Variants in AKAP7 observed in about 807,000 individuals in gnomAD.
The protein encoded by AKAP7 is A kinase (PRKA) anchor protein 7.
Under a neutral mutation model 39.5 loss-of-function variants are expected in AKAP7, and 39 were observed. The observed-to-expected ratio is 0.99, with a 90% CI of 0.76 to 1.29. AKAP7 has a LOEUF of 1.29. Among genes scored for constraint, AKAP7 ranks in the 50% most tolerant of loss-of-function variants. AKAP7 has a pLI of 0.00. For synonymous variants in AKAP7, 140 were observed against 139.1 expected (o/e 1.01, Z -0.05); for missense variants, 414 against 407.7 (o/e 1.02, Z -0.13).
At chr6:131,159,261 T>G (rs1316201412) in intron 2 of AKAP7, among the ~76,000 whole-genome samples, 1 of 152,012 alleles carries the variant, frequency 6.6e-6, no homozygotes, top group Non-Finnish European at 1.5e-5. Flanking sequence ...ACCCAGCTAA[T>G]TTTTTATATT....
chr6:131,243,967 G>C (rs1018829395), intron 7 of AKAP7, among the ~76,000 whole-genome samples: 1 of 150,708 alleles, frequency 6.6e-6, no homozygotes, highest in Non-Finnish European at 1.5e-5. Flanking sequence ...TACAAATACT[G>C]GTCAGTAGAT....
chr6:131,223,584 G>T (rs1809891882), intron 7 of AKAP7, among the ~76,000 whole-genome samples: 1 of 152,090 alleles, frequency 6.6e-6, no homozygotes, highest in Non-Finnish European at 1.5e-5. Context: ...TCCAAGTTTT[G>T]ATGAGGACCA....
chr6:131,181,398 C>T (rs1346419598), intron 5 of AKAP7, among the ~76,000 whole-genome samples: 10 of 152,172 alleles, frequency 6.6e-5, no homozygotes, highest in African/African-American at 1.9e-4. Flanking sequence ...CACTCCCATT[C>T]GTTCCCTACT....
intron 5 of AKAP7, among the ~76,000 whole-genome samples, chr6:131,189,633 A>G (rs576372332): frequency 2.0e-5 from 3 of 152,228 alleles, no homozygotes; most frequent in African/African-American, 7.2e-5. Context: ...GAGTTCACCT[A>G]AAGAAAATCT....
chr6:131,225,728 C>A (rs1810106850), intron 7 of AKAP7, among the ~76,000 whole-genome samples: 1 of 151,928 alleles, frequency 6.6e-6, no homozygotes, highest in Admixed American at 6.6e-5. Flanking sequence ...AATATAGGTT[C>A]TCATACACAC....
rs1035763394 is a variant in AKAP7, at chr6:131,236,339, G to C, written c.850+16531G>C. Among the ~76,000 whole-genome samples, 88 of 152,194 alleles carry C rather than the reference G, an allele frequency of 5.8e-4. 3 individuals are homozygous for C. Among genetic ancestry groups the C allele is most frequent in the Non-Finnish European group, 1.9e-4 (13 of 68,022 alleles). ...AGTATAGTTCGAAGTCAGGTAGTGT[G>C]ATGCCTCCAGCTTTGTTCTTTTGGC... On this transcript the variant is annotated intron_variant, in intron 7 of 7. Coordinates refer to ENST00000431975, the MANE Select transcript of AKAP7 (RefSeq NM_016377.4).
intron 7 of AKAP7, among the ~76,000 whole-genome samples, chr6:131,274,186 A>C (rs999638386): frequency 6.6e-6 from 1 of 151,976 alleles, no homozygotes; most frequent in African/African-American, 2.4e-5. Flanking sequence ...CAGAAATTTG[A>C]TCATGATATT....
chr6:131,144,368 G>A (rs1801309796), intron 1 of AKAP7, among the ~76,000 whole-genome samples: 1 of 152,180 alleles, frequency 6.6e-6, no homozygotes, highest in Non-Finnish European at 1.5e-5. Flanking sequence ...TACAGGTATT[G>A]TATCTGAAAA....
At chr6:131,162,414 TC>T (rs1263161443) in intron 3 of AKAP7, among the ~76,000 whole-genome samples, 2 of 152,178 alleles carry the variant, frequency 1.3e-5, no homozygotes, top group Non-Finnish European at 1.5e-5. Flanking sequence ...GACTTGTTAG[TC>T]CCAGCTGAGT....
chr6:131,144,934 C>T (rs1361790114), intron 1 of AKAP7, among the ~76,000 whole-genome samples: 15 of 152,136 alleles, frequency 9.9e-5, no homozygotes, highest in Admixed American at 9.8e-4. Context: ...ATGAGAATGA[C>T]TGACAAACCT....
intron 7 of AKAP7, among the ~76,000 whole-genome samples, chr6:131,265,075 A>G (rs187806835): frequency 2.2e-4 from 34 of 152,310 alleles, no homozygotes; most frequent in Non-Finnish European, 4.7e-4. Flanking sequence ...AACCATATTA[A>G]TAGCTCATTT....
intron 7 of AKAP7, among the ~76,000 whole-genome samples, chr6:131,268,654 G>T (rs1222990957): frequency 6.6e-6 from 1 of 152,050 alleles, no homozygotes; most frequent in Non-Finnish European, 1.5e-5. Flanking sequence ...GACGTACATC[G>T]GTGAACATTG....
At chr6:131,151,754 AT>A (rs1464524051) in intron 2 of AKAP7, among the ~76,000 whole-genome samples, 2 of 152,232 alleles carry the variant, frequency 1.3e-5, no homozygotes, top group Non-Finnish European at 2.9e-5. Context: ...CTCAAAAAAA[AT>A]ATCCTATGAA....
chr6:131,182,699 T>C (rs1381796304), intron 5 of AKAP7, among the ~76,000 whole-genome samples: 2 of 152,220 alleles, frequency 1.3e-5, no homozygotes, highest in African/African-American at 4.8e-5. Flanking sequence ...AGTTTAATTT[T>C]TAATTTTTTG....
chr6:131,187,091 G>A (rs1805939055), intron 5 of AKAP7, among the ~76,000 whole-genome samples: 3 of 151,946 alleles, frequency 2.0e-5, no homozygotes, highest in Admixed American at 2.0e-4. Flanking sequence ...AGATTGTTTT[G>A]CTATTCAGAG....
chr6:131,127,320 C>A, the AKAP7 span, among the ~76,000 whole-genome samples: 4 of 152,182 alleles, frequency 2.6e-5, no homozygotes, highest in African/African-American at 9.6e-5. Context: ...CATGCCTAAG[C>A]CACTGCATCT....
chr6:131,275,686 G>A (rs368677420), intron 7 of AKAP7, among the ~76,000 whole-genome samples: 5 of 152,178 alleles, frequency 3.3e-5, no homozygotes, highest in East Asian at 3.9e-4. Context: ...GTGACCATAT[G>A]AGGAGCCATG....
chr6:131,163,011 T>C (rs1001026478), intron 3 of AKAP7, among the ~76,000 whole-genome samples: 1 of 152,056 alleles, frequency 6.6e-6, no homozygotes, highest in African/African-American at 2.4e-5. Context: ...TCTCGCTCTC[T>C]CTCTCTCTCT....
chr6:131,272,321 C>G (rs1405306578), intron 7 of AKAP7, among the ~76,000 whole-genome samples: 1 of 151,892 alleles, frequency 6.6e-6, no homozygotes, highest in African/African-American at 2.4e-5. Flanking sequence ...AGGGATTAGC[C>G]TTTGGTTTCG....
Sources: gnomAD v4.1 joint callset for allele counts (sites outside exome capture counted in the v4.1 genomes callset) on GRCh38, gnomAD v4.1.1 for gene constraint, MANE v1.5 for transcripts, NCBI Gene and HGNC (gene_info 2026-07-23, HGNC 2026-07-21) for gene names.